Variants in RSBN1 observed in about 807,000 individuals in gnomAD.
The protein encoded by RSBN1 is lysine-specific demethylase 9.
In RSBN1, 23 loss-of-function variants were observed where a neutral mutation model predicts 74.8. The ratio of observed to expected loss-of-function variants is 0.31; its 90% CI spans 0.22 to 0.44. The LOEUF is 0.44. Ranked by LOEUF, RSBN1 falls within the 20% of genes least tolerant of loss-of-function variation. RSBN1 has a pLI of 1.00. For synonymous variants in RSBN1, 407 were observed against 379.6 expected, an observed-to-expected ratio of 1.07 and a Z score of -0.84; for missense variants, 808 against 1,020.9, an observed-to-expected ratio of 0.79 and a Z score of 2.84.
At position 113,812,117 on chromosome 1, in the gene RSBN1, T is replaced by C; in HGVS notation, c.296A>G (p.Lys99Arg). The stretch of plus-strand genomic sequence containing the variant: ...GGGCTCCTGGCTCGGCCGCCCCCGC[T>C]TCTCCTGAGACCCCCCACTGCTAGA... The part of the protein sequence containing the change: ...RRSSSGGSQE[K>R]RGRPSQEPPL... Residue 99 changes from lysine to arginine, a missense_variant, in exon 1 of 7, where the codon AAG (lysine) becomes AGG (arginine). Coordinates refer to ENST00000261441, the MANE Select transcript of RSBN1 (RefSeq NM_018364.5). 1 of 1,601,030 alleles carries C rather than the reference T, an allele frequency of 6.2e-7. No individual in the cohort carries two copies. The highest frequency in any genetic ancestry group is 2.3e-5 in the East Asian group (1 of 44,436).
At chr1:113,800,236 A>T (rs759549420) in intron 1 of RSBN1, among the ~76,000 whole-genome samples, 5 of 152,162 alleles carry the variant, frequency 3.3e-5, no homozygotes, top group Non-Finnish European at 5.9e-5. Context: ...TGCAAATATC[A>T]CTTGTAATTA....
rs2101787621 is a variant in RSBN1 at position 113,765,450 on chromosome 1, T to C, written c.*530A>G. On this transcript the variant is annotated 3_prime_UTR_variant, in exon 7 of 7. Coordinates refer to ENST00000261441, the MANE Select transcript of RSBN1 (RefSeq NM_018364.5). ...AAACCAGAGAGCCACTGAAATTTCC[T>C]TGGAAACTACTTGTTATTTGTGGTT... The C allele has an allele frequency of 6.5e-6, 1 of 153,004 alleles. No homozygotes were observed. Among genetic ancestry groups the C allele is most frequent in the Non-Finnish European group, 1.5e-5 (1 of 68,196 alleles). 9.5% of individuals were successfully genotyped at this position (153,004 alleles called of 1,614,324 possible). A position where few individuals can be genotyped will look rare whatever the true frequency, so the allele number is the denominator to read the frequency against.
At chr1:113,779,390 C>A (rs1180986229) in intron 2 of RSBN1, among the ~76,000 whole-genome samples, 1 of 152,042 alleles carries the variant, frequency 6.6e-6, no homozygotes, top group East Asian at 1.9e-4. Context: ...AGATCTTGTT[C>A]TCAAATAGCA....
At position 113,766,108 on chromosome 1, in the gene RSBN1, G is replaced by A; in HGVS notation, c.2281C>T (p.Pro761Ser). The A allele has an allele frequency of 6.2e-7, 1 of 1,614,012 alleles. No homozygotes were observed. The highest frequency in any genetic ancestry group is 8.5e-7 in the Non-Finnish European group (1 of 1,179,940). Residue 761 changes from proline to serine, a missense_variant, in exon 7 of 7, where the codon CCA becomes TCA. Around this residue, in one of 6 missense-constraint regions of RSBN1, gnomAD observed 91 missense variants for 99.6 expected, o/e 0.91. Coordinates refer to ENST00000261441, the MANE Select transcript of RSBN1 (RefSeq NM_018364.5). The part of the protein sequence containing the change: ...QLLTTASSSF[P>S]PASELNLQQD... Reference sequence around the variant, plus strand: ...TGTAGATTAAGTTCTGATGCAGGTGGGAAAGATGATGAAGCAGTTGTTAAC... The same window carrying A: ...TGTAGATTAAGTTCTGATGCAGGTGAGAAAGATGATGAAGCAGTTGTTAAC...
chr1:113,772,524 ATTATT>A (rs1252267673), intron 4 of RSBN1, among the ~76,000 whole-genome samples: 4 of 152,104 alleles, frequency 2.6e-5, no homozygotes, highest in African/African-American at 9.7e-5. Flanking sequence ...GTCTTGCTGT[ATTATT>A]TTATTTTTAA....
chr1:113,802,358 T>C (rs1156797468), intron 1 of RSBN1, among the ~76,000 whole-genome samples: 1 of 151,954 alleles, frequency 6.6e-6, no homozygotes, highest in Non-Finnish European at 1.5e-5. Context: ...AAAATCACAG[T>C]AGATGAACAA....
chr1:113,779,139 T>C (rs528665107), intron 2 of RSBN1, among the ~76,000 whole-genome samples: 10 of 152,320 alleles, frequency 6.6e-5, no homozygotes, highest in African/African-American at 1.9e-4. Context: ...GCCTAACATA[T>C]AGCTGTACCT....
At chr1:113,774,490 C>A (rs562647928) in intron 4 of RSBN1, among the ~76,000 whole-genome samples, 1 of 151,604 alleles carries the variant, frequency 6.6e-6, no homozygotes, top group Non-Finnish European at 1.5e-5. Context: ...CTGGCTAACA[C>A]GTTGAAACCC....
intron 2 of RSBN1, among the ~76,000 whole-genome samples, chr1:113,787,516 A>T (rs1245055436): frequency 1.3e-5 from 2 of 152,220 alleles, no homozygotes; most frequent in South Asian, 2.1e-4. Flanking sequence ...CCTTCCACTT[A>T]CATTCTACCT....
chr1:113,795,409 C>T (rs12071676), intron 2 of RSBN1, among the ~76,000 whole-genome samples: 1,728 of 152,280 alleles, frequency 0.011, 35 homozygotes, highest in African/African-American at 0.039. Flanking sequence ...CCATGAAGTG[C>T]GAAATCAATT....
At chr1:113,777,158 C>G in intron 4 of RSBN1, 52 bp downstream of exon 4, 2 of 1,546,914 alleles carry the variant, frequency 1.3e-6, no homozygotes, top group Non-Finnish European at 1.8e-6. Flanking sequence ...TTTTTATAAG[C>G]AACCAACTAA....
intron 5 of RSBN1, 129 bp from the exon 6 acceptor site, chr1:113,767,336 G>A: frequency 1.1e-5 from 5 of 441,476 alleles, no homozygotes; most frequent in Non-Finnish European, 1.2e-5. Flanking sequence ...CTAAGGACTA[G>A]GTATACAATT....
At chr1:113,792,198 C>G (rs948054840) in intron 2 of RSBN1, among the ~76,000 whole-genome samples, 2 of 152,150 alleles carry the variant, frequency 1.3e-5, no homozygotes, top group Non-Finnish European at 1.5e-5. Flanking sequence ...CTTCCCTACC[C>G]CCAGCAAACA....
At position 113,762,446 on chromosome 1, in the gene RSBN1, G is replaced by T. The variant is rs1406491641; in HGVS notation, c.*3534C>A. On this transcript the variant is annotated 3_prime_UTR_variant, in exon 7 of 7. Transcript: ENST00000261441. ...ACTGTGCATTTCCTCTACTTGCATG[G>T]CCAATAAATACAGCTACGACCTGTT... 1 of 152,424 alleles carries T rather than the reference G, an allele frequency of 6.6e-6. No homozygotes were observed. Among genetic ancestry groups the T allele is most frequent in the Non-Finnish European group, 1.5e-5 (1 of 68,030 alleles). 9.4% of individuals were successfully genotyped at this position (152,424 alleles called of 1,614,324 possible).
At chr1:113,811,667 A>C (rs374453348) in intron 1 of RSBN1, 43 bp downstream of exon 1, 10 of 1,530,670 alleles carry the variant, frequency 6.5e-6, no homozygotes, top group South Asian at 2.5e-5. Context: ...ATCGGAACTG[A>C]GAGAGACCTA....
chr1:113,781,037 A>G (rs1571299713), intron 2 of RSBN1, among the ~76,000 whole-genome samples: 1 of 151,946 alleles, frequency 6.6e-6, no homozygotes, highest in Non-Finnish European at 1.5e-5. Flanking sequence ...TCTCATAAAC[A>G]CACTCTCATC....
intron 1 of RSBN1, among the ~76,000 whole-genome samples, chr1:113,809,737 A>G (rs999459337): frequency 2.6e-5 from 4 of 152,226 alleles, no homozygotes; most frequent in African/African-American, 9.6e-5. Context: ...TTGGCAAACT[A>G]CAGATATTTA....
intron 2 of RSBN1, among the ~76,000 whole-genome samples, chr1:113,792,784 G>A (rs1340951977): frequency 1.3e-5 from 2 of 152,024 alleles, no homozygotes; most frequent in Non-Finnish European, 2.9e-5. Flanking sequence ...GGGCCACAGA[G>A]CGAGACCTCA....
intron 2 of RSBN1, among the ~76,000 whole-genome samples, chr1:113,794,330 T>C (rs991516077): frequency 1.1e-4 from 17 of 152,214 alleles, no homozygotes; most frequent in African/African-American, 3.9e-4. Context: ...TATTATGTAA[T>C]CTTTGCAAAC....
Sources: gnomAD v4.1 joint callset for allele counts (sites outside exome capture counted in the v4.1 genomes callset) on GRCh38, gnomAD v4.1.1 for gene constraint, gnomAD v4.1.1 regional missense constraint, MANE v1.5 for transcripts, NCBI Gene and HGNC (gene_info 2026-07-23, HGNC 2026-07-21) for gene names.